The following SPHKAP variants were observed in gnomAD, a reference collection of about 807,000 sequenced individuals.
The protein encoded by SPHKAP is A-kinase anchor protein SPHKAP.
A neutral mutation model predicts 137.5 loss-of-function variants in SPHKAP; 67 were observed. The observed-to-expected ratio is 0.49, with a 90% CI of 0.40 to 0.60. The LOEUF is 0.60. Among genes scored for constraint, SPHKAP ranks in the 20% least tolerant of loss-of-function variants. SPHKAP has a pLI of 0.00. For missense variants in SPHKAP, 2,097 were observed against 2,069.3 expected (o/e 1.01, Z -0.26); for synonymous variants, 813 against 785.3 (o/e 1.04, Z -0.59).
At position 228,017,183 on chromosome 2, in the gene SPHKAP, A is replaced by G. The variant is rs1186950967; in HGVS notation, c.3671T>C (p.Leu1224Pro). ...RSSQDWTAGL[L>P]SPSLRSPVCH... ...CACTGGGGATCGCAGAGAAGGAGAC[A>G]GCAGGCCGGCTGTCCAATCCTGGCT... Residue 1224 changes from leucine to proline, a missense_variant, in exon 7 of 12, where the codon CTG (leucine) becomes CCG (proline). Coordinates refer to ENST00000392056, the MANE Select transcript of SPHKAP (RefSeq NM_001142644.2). 3 of 1,613,960 alleles carry G rather than the reference A, an allele frequency of 1.9e-6. No individual in the cohort carries two copies. The South Asian group carries it at 3.3e-5, about 18-fold the overall frequency.
At chr2:228,009,874 G>C (rs1286258855) in intron 7 of SPHKAP, among the ~76,000 whole-genome samples, 3 of 152,142 alleles carry the variant, frequency 2.0e-5, no homozygotes, top group Non-Finnish European at 2.9e-5. Flanking sequence ...CTGGCTAGTT[G>C]GGACTAAACA....
At chr2:228,113,243 C>A (rs988541312) in intron 2 of SPHKAP, among the ~76,000 whole-genome samples, 9 of 151,974 alleles carry the variant, frequency 5.9e-5, no homozygotes, top group African/African-American at 1.9e-4. Flanking sequence ...TATTTATATT[C>A]TTTAATTATT....
At chr2:228,179,826 A>G (rs1013725923) in intron 1 of SPHKAP, among the ~76,000 whole-genome samples, 2 of 152,252 alleles carry the variant, frequency 1.3e-5, no homozygotes, top group Non-Finnish European at 2.9e-5. Flanking sequence ...AATTTAGAAA[A>G]TGTTCCGGTA....
intron 1 of SPHKAP, among the ~76,000 whole-genome samples, chr2:228,149,605 A>C (rs1023740537): frequency 6.6e-6 from 1 of 152,192 alleles, no homozygotes; most frequent in Admixed American, 6.5e-5. Flanking sequence ...ACAGAAGAGG[A>C]TCTCCAATCT....
At chr2:228,067,734 T>C (rs1199047583) in intron 3 of SPHKAP, among the ~76,000 whole-genome samples, 1 of 152,180 alleles carries the variant, frequency 6.6e-6, no homozygotes, top group African/African-American at 2.4e-5. Context: ...CAGGGCGTAA[T>C]CAGAGTTTTA....
intron 3 of SPHKAP, among the ~76,000 whole-genome samples, chr2:228,092,442 CCATATATATGTAT>C (rs1697812501): frequency 2.5e-5 from 1 of 39,230 alleles, no homozygotes; most frequent in African/African-American, 9.0e-5. Flanking sequence ...TATATATGTG[CCATATATATGTAT>C]ACATATATGT....
At chr2:228,156,919 T>C (rs1466493373) in intron 1 of SPHKAP, among the ~76,000 whole-genome samples, 1 of 152,168 alleles carries the variant, frequency 6.6e-6, no homozygotes. Flanking sequence ...ATTAAACCTC[T>C]TTCCTTTATA....
intron 1 of SPHKAP, among the ~76,000 whole-genome samples, chr2:228,151,610 T>G (rs1010596045): frequency 9.2e-5 from 14 of 152,154 alleles, no homozygotes; most frequent in Non-Finnish European, 1.9e-4. Flanking sequence ...TCCTGACTTT[T>G]TAATGATCGC....
chr2:228,016,963 C>T lies in SPHKAP; in HGVS notation c.3891G>A (p.Gly1297=). The T allele has an allele frequency of 2.5e-6, 4 of 1,614,076 alleles. No homozygotes were observed. The highest frequency in any genetic ancestry group is 3.4e-6 in the Non-Finnish European group (4 of 1,179,996). Residue 1297 remains glycine (G), a synonymous_variant, in exon 7 of 12, where the codon GGG becomes GGA. Transcript: ENST00000392056. ...KSDSCLYRRG[G]TDHITNMLIH... is the part of the protein sequence containing the mutation. Reference sequence around the variant, plus strand: ...TTAACATGTTGGTGATGTGGTCAGTCCCACCTCTCCGATACAAGCAAGAGT... The same window carrying T: ...TTAACATGTTGGTGATGTGGTCAGTTCCACCTCTCCGATACAAGCAAGAGT...
At chr2:228,175,450 C>T (rs1313858821) in intron 1 of SPHKAP, among the ~76,000 whole-genome samples, 1 of 152,084 alleles carries the variant, frequency 6.6e-6, no homozygotes, top group African/African-American at 2.4e-5. Context: ...AAACCTCACA[C>T]TGGATGTGAA....
chr2:227,998,757 A>G (rs1365482022), intron 7 of SPHKAP, among the ~76,000 whole-genome samples: 1 of 152,192 alleles, frequency 6.6e-6, no homozygotes, highest in African/African-American at 2.4e-5. Context: ...GGTTTCCTGC[A>G]GGATGTGCCG....
chr2:228,126,968 T>C (rs1574873643), intron 2 of SPHKAP, among the ~76,000 whole-genome samples: 1 of 152,368 alleles, frequency 6.6e-6, no homozygotes, highest in East Asian at 1.9e-4. Context: ...TGCATTGTCT[T>C]GACCCTTGTT....
At chr2:228,063,447 TGTTAAA>T (rs1465808186) in intron 3 of SPHKAP, among the ~76,000 whole-genome samples, 2 of 152,176 alleles carry the variant, frequency 1.3e-5, no homozygotes, top group African/African-American at 4.8e-5. Flanking sequence ...CTATGGTTGG[TGTTAAA>T]GTCTGATTTA....
At chr2:227,995,389 C>G (rs1357883855) in intron 8 of SPHKAP, 120 bp downstream of exon 8, 1 of 1,249,886 alleles carries the variant, frequency 8.0e-7, no homozygotes, top group Admixed American at 1.9e-5. Context: ...TGGGAACTTT[C>G]CTTTTTTTGT....
chr2:228,138,466 T>C (rs751042069), intron 1 of SPHKAP, among the ~76,000 whole-genome samples: 1 of 152,238 alleles, frequency 6.6e-6, no homozygotes, highest in Non-Finnish European at 1.5e-5. Flanking sequence ...AAGAAGTTTA[T>C]ATTTTTTTTC....
At chr2:228,166,740 T>C (rs934809295) in intron 1 of SPHKAP, among the ~76,000 whole-genome samples, 1 of 152,266 alleles carries the variant, frequency 6.6e-6, no homozygotes, top group Non-Finnish European at 1.5e-5. Flanking sequence ...GAGCTGAGTG[T>C]TATTATGGTT....
At chr2:228,112,520 A>G (rs1698551990) in intron 2 of SPHKAP, among the ~76,000 whole-genome samples, 2 of 152,128 alleles carry the variant, frequency 1.3e-5, no homozygotes, top group Admixed American at 1.3e-4. Flanking sequence ...TCGAAACGCA[A>G]TTCACTTGGT....
In SPHKAP at chr2:227,984,737, G is replaced by A. The variant is rs148025661; in HGVS notation, c.4960-2877C>T. On this transcript the variant is annotated intron_variant, in intron 11 of 11. Transcript: ENST00000392056. ...TGGAAATCTAGAAAGTAGAGTTCCT[G>A]GTGCAGAAGGCCTGGACATTGAGTT... Among the ~76,000 whole-genome samples the A allele has an allele frequency of 3.9e-3, 597 of 152,298 alleles. 4 individuals carry two copies. Among genetic ancestry groups the A allele is most frequent in the African/African-American group, 0.013 (558 of 41,570 alleles).
chr2:228,016,308 CCAAT>C, intron 7 of SPHKAP, 94 bp downstream of exon 7: 11 of 1,462,016 alleles, frequency 7.5e-6, no homozygotes, highest in South Asian at 1.6e-5. Context: ...AGTTCTTGCA[CCAAT>C]CAAATCCTTT....
Sources: allele counts gnomAD v4.1 joint callset (sites outside exome capture counted in the v4.1 genomes callset), GRCh38; gene constraint gnomAD v4.1.1; transcripts MANE v1.5; gene names NCBI Gene and HGNC (gene_info 2026-07-23, HGNC 2026-07-21).